Variants in TFPI observed in about 807,000 individuals in gnomAD.
The protein encoded by TFPI is anti-convertin.
In TFPI, 15 loss-of-function variants were observed where a neutral mutation model predicts 34.6. The ratio of observed to expected loss-of-function variants is 0.43; its 90% CI spans 0.29 to 0.67. The LOEUF (loss-of-function observed/expected upper bound fraction) is 0.67. Among genes scored for constraint, TFPI ranks in the 30% least tolerant of loss-of-function variants. The pLI is 0.15. For missense variants in TFPI, 301 were observed against 364.0 expected (o/e 0.83, Z 1.41); for synonymous variants, 105 against 120.1 (o/e 0.87, Z 0.82).
intron 3 of TFPI, among the ~76,000 whole-genome samples, chr2:187,494,966 A>C (rs1257624286): frequency 6.6e-6 from 1 of 151,998 alleles, no homozygotes; most frequent in South Asian, 2.1e-4. Context: ...TAGGTGATCC[A>C]CCCACCTCAG....
At chr2:187,484,368 A>G (rs1693102002) in intron 5 of TFPI, 152 bp from the exon 6 acceptor site, 2 of 621,428 alleles carry the variant, frequency 3.2e-6, no homozygotes, top group Non-Finnish European at 5.5e-6. Context: ...TTTAAATATA[A>G]TTGTAAGGTA....
At chr2:187,475,637 C>A (rs1190031140) in intron 6 of TFPI, among the ~76,000 whole-genome samples, 1 of 152,068 alleles carries the variant, frequency 6.6e-6, no homozygotes, top group East Asian at 1.9e-4. Context: ...AATGAGGAAC[C>A]TGAAGCCAAG....
chr2:187,503,542 C>A, intron 2 of TFPI, 106 bp downstream of exon 2: 1 of 1,357,564 alleles, frequency 7.4e-7, no homozygotes, highest in Non-Finnish European at 1.0e-6. Context: ...AATATCACTT[C>A]AATAACAACT....
At chr2:187,498,658 C>T (rs1337229290) in intron 2 of TFPI, among the ~76,000 whole-genome samples, 1 of 151,832 alleles carries the variant, frequency 6.6e-6, no homozygotes. Flanking sequence ...GTTAAATTTA[C>T]ATAATACCAT....
chr2:187,502,000 G>A (rs1169818185), intron 2 of TFPI, among the ~76,000 whole-genome samples: 1 of 151,982 alleles, frequency 6.6e-6, no homozygotes, highest in Non-Finnish European at 1.5e-5. Context: ...ATGATGTTAT[G>A]ATCTTAGCAT....
chr2:187,530,564 C>G (rs1286556124), intron 1 of TFPI, among the ~76,000 whole-genome samples: 2 of 152,188 alleles, frequency 1.3e-5, no homozygotes, highest in Non-Finnish European at 2.9e-5. Context: ...GGAAATATTG[C>G]TTCTATATAA....
intron 1 of TFPI, among the ~76,000 whole-genome samples, chr2:187,506,748 A>G (rs1343184805): frequency 2.0e-5 from 3 of 152,134 alleles, no homozygotes; most frequent in South Asian, 2.1e-4. Flanking sequence ...GAAAGAAGAT[A>G]ACAGAGTTAA....
At chr2:187,532,999 C>G (rs1293382227) in intron 1 of TFPI, among the ~76,000 whole-genome samples, 7 of 152,164 alleles carry the variant, frequency 4.6e-5, no homozygotes, top group Non-Finnish European at 1.0e-4. Flanking sequence ...CCACTGTAGC[C>G]AGACTGCCTC....
chr2:187,496,797 A>G, intron 3 of TFPI, 84 bp downstream of exon 3: 11 of 1,222,892 alleles, frequency 9.0e-6, no homozygotes, highest in Non-Finnish European at 1.3e-5. Context: ...GCATGAAATT[A>G]CTTTTCTCCC....
At chr2:187,527,481 G>A (rs901500297) in intron 1 of TFPI, among the ~76,000 whole-genome samples, 2 of 152,098 alleles carry the variant, frequency 1.3e-5, no homozygotes, top group East Asian at 1.9e-4. Context: ...GAGGTTTAAG[G>A]CCGTGTGACT....
At chr2:187,497,170 G>A in intron 2 of TFPI, 92 bp from the exon 3 acceptor site, 18 of 1,145,418 alleles carry the variant, frequency 1.6e-5, no homozygotes, top group South Asian at 4.8e-5. Context: ...CTGATTTTAA[G>A]GAAAAGTACA....
At chr2:187,520,396 G>A (rs1481976766) in intron 1 of TFPI, 2 of 152,334 alleles carry the variant, frequency 1.3e-5, no homozygotes, top group East Asian at 1.9e-4. Context: ...CTGGCTAGGG[G>A]AGGGAGTTCC....
At chr2:187,540,623 C>T (rs1688527029) in intron 1 of TFPI, among the ~76,000 whole-genome samples, 1 of 152,066 alleles carries the variant, frequency 6.6e-6, no homozygotes, top group Non-Finnish European at 1.5e-5. Context: ...GGAGGGGTGG[C>T]TCACGCTTGT....
At chr2:187,509,717 A>G (rs955492059) in intron 1 of TFPI, among the ~76,000 whole-genome samples, 1 of 151,932 alleles carries the variant, frequency 6.6e-6, no homozygotes, top group Non-Finnish European at 1.5e-5. Context: ...CTAGCAATCT[A>G]TCTATTTGCT....
In TFPI at chr2:187,467,723, G is replaced by A. The variant is rs753919629; in HGVS notation, c.808+30C>T. On this transcript the variant is annotated intron_variant, in intron 7 of 7. Transcript: ENST00000233156. ...AATTCAATTGCTATCTTAAACACTA[G>A]TCAATTAATGGGAAGAGTATCTTCT... 3 of 1,512,952 alleles carry A rather than the reference G, an allele frequency of 2.0e-6. No individual in the cohort carries two copies. The Admixed American group carries it at 6.3e-5, about 32-fold the overall frequency. 93.7% of individuals were successfully genotyped at this position (1,512,952 alleles called of 1,614,324 possible). A position where few individuals can be genotyped will look rare whatever the true frequency, so the allele number is the denominator to read the frequency against.
At chr2:187,542,611 C>A (rs912162648) in intron 1 of TFPI, among the ~76,000 whole-genome samples, 8 of 152,100 alleles carry the variant, frequency 5.3e-5, no homozygotes, top group Non-Finnish European at 1.2e-4. Flanking sequence ...CGGCTCATGC[C>A]TGTAATCCCA....
intron 3 of TFPI, among the ~76,000 whole-genome samples, chr2:187,495,900 T>G (rs1275901434): frequency 6.6e-6 from 1 of 151,936 alleles, no homozygotes; most frequent in Non-Finnish European, 1.5e-5. Context: ...ATTCTATCCC[T>G]TGAGTAACTT....
chr2:187,493,372 G>C (rs936372490), intron 3 of TFPI, among the ~76,000 whole-genome samples: 4 of 152,120 alleles, frequency 2.6e-5, no homozygotes, highest in Middle Eastern at 3.2e-3. Context: ...AGGACCCTGG[G>C]CCGGGTCCAG....
In TFPI at chr2:187,472,729, C is replaced by T. The variant is rs1421967417; in HGVS notation, c.629-4797G>A. ...TACTATTCATAAACAAAGAAAGACACGGCCAGGCGTGGTGGCTCACACCTG... is the reference window on the plus strand; with the variant it reads ...TACTATTCATAAACAAAGAAAGACATGGCCAGGCGTGGTGGCTCACACCTG... On this transcript the variant is annotated intron_variant, in intron 6 of 7. Transcript: ENST00000233156. Among the ~76,000 whole-genome samples, 8 of 152,054 alleles carry T rather than the reference C, an allele frequency of 5.3e-5. No individual in the cohort carries two copies. The South Asian group carries it at 8.3e-4, about 16-fold the overall frequency.
Sources: allele counts gnomAD v4.1 joint callset (sites outside exome capture counted in the v4.1 genomes callset), GRCh38; gene constraint gnomAD v4.1.1; transcripts MANE v1.5; gene names NCBI Gene and HGNC (gene_info 2026-07-23, HGNC 2026-07-21).